Variants in PPID observed in about 807,000 individuals in gnomAD.
PPID encodes the protein peptidyl-prolyl cis-trans isomerase D.
PPID carries 47 observed loss-of-function variants against 48.1 expected under a neutral mutation model. The observed-to-expected ratio is 0.98, with a 90% CI of 0.77 to 1.25. PPID has a LOEUF of 1.25. PPID is among the 50% of genes most tolerant of loss of function. The pLI is 0.00. For synonymous variants in PPID, 163 were observed against 148.8 expected (o/e 1.10, Z -0.69); for missense variants, 429 against 443.5 (o/e 0.97, Z 0.29).
intron 9 of PPID, chr4:158,710,194 CAT>C (rs1774762102): frequency 9.0e-6 from 3 of 334,650 alleles, no homozygotes; most frequent in Non-Finnish European, 1.1e-5. Flanking sequence ...TTTCCTAAAA[CAT>C]ATAACCAGTA....
intron 2 of PPID, among the ~76,000 whole-genome samples, chr4:158,720,730 TTTGA>T (rs984907184): frequency 9.0e-5 from 12 of 134,014 alleles, no homozygotes; most frequent in African/African-American, 3.0e-4. Context: ...TGTTTGTTTG[TTTGA>T]GGCAGAGTCT....
chr4:158,715,953 T>C (rs981281777), intron 4 of PPID, among the ~76,000 whole-genome samples: 1 of 152,250 alleles, frequency 6.6e-6, no homozygotes, highest in Admixed American at 6.5e-5. Context: ...AGGTGGGGCA[T>C]GAGCTTCCGG....
At chr4:158,716,073 G>A (rs957102989) in intron 4 of PPID, among the ~76,000 whole-genome samples, 10 of 151,592 alleles carry the variant, frequency 6.6e-5, no homozygotes, top group Admixed American at 2.7e-4. Context: ...TATTATGGTC[G>A]TTTAGGGGTT....
intron 4 of PPID, 143 bp downstream of exon 4, chr4:158,716,866 CAGG>C: frequency 1.3e-6 from 1 of 765,502 alleles, no homozygotes. Context: ...AAGGCTGAGG[CAGG>C]AGAATAGCTT....
At chr4:158,721,937 A>T (rs764228700) in intron 1 of PPID, among the ~76,000 whole-genome samples, 1 of 152,190 alleles carries the variant, frequency 6.6e-6, no homozygotes, top group Non-Finnish European at 1.5e-5. Flanking sequence ...ACATATATCA[A>T]ATTTTAAAAA....
In PPID at chr4:158,723,219, T is replaced by A; in HGVS notation, c.70A>T (p.Ile24Phe). ...SNPRVFFDVD[I>F]GGERVGRIVL... ...CTCCGCTCACCTCGCTCCCCTCCGA[T>A]GTCCACGTCAAAGAAGACTCGAGGG... Residue 24 changes from isoleucine (I) to phenylalanine (F), a missense_variant, in exon 1 of 10, where the codon ATC becomes TTC. By Grantham distance (21) the Ile-to-Phe change is conservative. Coordinates refer to ENST00000307720, the MANE Select transcript of PPID (RefSeq NM_005038.3). 1 of 1,613,890 alleles carries A rather than the reference T, an allele frequency of 6.2e-7. No homozygotes were observed. The highest frequency in any genetic ancestry group is 8.5e-7 in the Non-Finnish European group (1 of 1,179,922).
At chr4:158,713,638 T>C (rs1057271635) in intron 6 of PPID, among the ~76,000 whole-genome samples, 5 of 152,214 alleles carry the variant, frequency 3.3e-5, no homozygotes. Context: ...TGATTTTGCA[T>C]TGTCCCTGAA....
chr4:158,723,260 G>A lies in PPID; in HGVS notation c.29C>T (p.Pro10Leu). 1 of 1,614,032 alleles carries A rather than the reference G, an allele frequency of 6.2e-7. No homozygotes were observed. Among genetic ancestry groups the A allele is most frequent in the Non-Finnish European group, 8.5e-7 (1 of 1,180,000 alleles). Residue 10 changes from proline to leucine, a missense_variant, in exon 1 of 10, where the codon CCC (proline) becomes CTC (leucine). Transcript: ENST00000307720. MSHPSPQAKPSNPSNPRVFF... is the reference protein window; with the variant it reads MSHPSPQAKLSNPSNPRVFF... ...GACTCGAGGGTTACTGGGGTTGGAG[G>A]GCTTGGCTTGGGGGGACGGGTGCGA...
intron 1 of PPID, 23 bp downstream of exon 1, chr4:158,723,181 C>A: frequency 6.2e-7 from 1 of 1,605,210 alleles, no homozygotes; most frequent in Non-Finnish European, 8.5e-7. Flanking sequence ...GGGGCTTTTC[C>A]GCGAGCGTCA....
chr4:158,709,565 T>C lies in PPID; in HGVS notation c.*171A>G, dbSNP rs955364069. 1.2e-5 allele frequency: 6 copies of C among 515,270 alleles called. No homozygotes were observed. Among genetic ancestry groups the C allele is most frequent in the Non-Finnish European group, 2.0e-5 (6 of 295,352 alleles). 31.9% of individuals were successfully genotyped at this position (515,270 alleles called of 1,614,324 possible). ...AAACAAAACCACTTTACTTACTGTA[T>C]TGTGACATGTTTATTAAGCATGAAC... is the stretch of plus-strand genomic sequence containing the variant. On this transcript the variant is annotated 3_prime_UTR_variant, in exon 10 of 10. Transcript: ENST00000307720.
chr4:158,719,362 T>TAA (rs1447444544), intron 2 of PPID, 76 bp from the exon 3 acceptor site: 1 of 936,730 alleles, frequency 1.1e-6, no homozygotes, highest in African/African-American at 1.6e-5. Flanking sequence ...GATACGTACG[T>TAA]AAGACAACTT....
chr4:158,717,618 G>C (rs918754468), intron 3 of PPID, among the ~76,000 whole-genome samples: 1 of 152,116 alleles, frequency 6.6e-6, no homozygotes, highest in South Asian at 2.1e-4. Flanking sequence ...AGACCTGAAC[G>C]GTCTTCCAAA....
At chr4:158,715,732 G>C (rs1309152217) in intron 4 of PPID, 48 bp from the exon 5 acceptor site, 3 of 1,570,754 alleles carry the variant, frequency 1.9e-6, no homozygotes, top group Non-Finnish European at 2.6e-6. Context: ...GTAATAATGA[G>C]AGATAAAAGC....
Position 158,709,528 on chromosome 4 carries a change from T to C in PPID, c.*208A>G. The C allele has an allele frequency of 2.6e-6, 1 of 391,746 alleles. No homozygotes were observed. 24.3% of individuals were successfully genotyped at this position (391,746 alleles called of 1,614,324 possible). On this transcript the variant is annotated 3_prime_UTR_variant, in exon 10 of 10. Coordinates refer to ENST00000307720, the MANE Select transcript of PPID (RefSeq NM_005038.3). ...GCCTGGGTGACAGAGCAAGACTCCA[T>C]CTCAAAGAAACAAACAAAACCACTT...
intron 4 of PPID, 30 bp from the exon 5 acceptor site, chr4:158,715,714 G>A: frequency 6.3e-7 from 1 of 1,590,372 alleles, no homozygotes; most frequent in Non-Finnish European, 8.6e-7. Context: ...TTGTAGAAGT[G>A]CACTATCGTA....
intron 9 of PPID, 151 bp from the exon 10 acceptor site, chr4:158,709,975 AAC>A (rs925827148): frequency 3.3e-6 from 2 of 608,968 alleles, no homozygotes; most frequent in African/African-American, 3.7e-5. Flanking sequence ...CAATCACACA[AAC>A]ACAGAAATGA....
At chr4:158,721,210 G>T in intron 2 of PPID, 133 bp downstream of exon 2, 1 of 1,062,622 alleles carries the variant, frequency 9.4e-7, no homozygotes, top group Non-Finnish European at 1.4e-6. Context: ...ACGAAACTGC[G>T]TTACTGCCTC....
chr4:158,716,880 G>T (rs1470743429), intron 4 of PPID, 132 bp downstream of exon 4: 4 of 883,190 alleles, frequency 4.5e-6, no homozygotes, highest in Non-Finnish European at 3.5e-6. Flanking sequence ...AGAATAGCTT[G>T]AACCTGGGAG....
intron 2 of PPID, among the ~76,000 whole-genome samples, 162 bp from the exon 3 acceptor site, chr4:158,719,448 G>A (rs1774922006): frequency 6.6e-6 from 1 of 152,144 alleles, no homozygotes; most frequent in Non-Finnish European, 1.5e-5. Flanking sequence ...AAACGCTTCA[G>A]GCTTTTCACC....
Sources: allele counts gnomAD v4.1 joint callset (sites outside exome capture counted in the v4.1 genomes callset), GRCh38; gene constraint gnomAD v4.1.1; transcripts MANE v1.5; gene names NCBI Gene and HGNC (gene_info 2026-07-23, HGNC 2026-07-21).